CTNNA2: variants seen among roughly 807,000 people sequenced by gnomAD.
CTNNA2 encodes catenin alpha-2.
CTNNA2 carries 42 observed loss-of-function variants against 101.0 expected under a neutral mutation model. That is an observed-to-expected ratio of 0.42 (90% CI 0.32 to 0.54). The LOEUF is 0.54. Ranked by LOEUF, CTNNA2 falls within the 20% of genes least tolerant of loss-of-function variation. CTNNA2 has a pLI of 0.14. For synonymous variants in CTNNA2, 450 were observed against 456.4 expected, an observed-to-expected ratio of 0.99 and a Z score of 0.18; for missense variants, 871 against 1,223.1, an observed-to-expected ratio of 0.71 and a Z score of 4.29.
intron 1 of CTNNA2, among the ~76,000 whole-genome samples, chr2:79,521,891 C>T (rs1392393969): frequency 6.6e-6 from 1 of 151,992 alleles, no homozygotes; most frequent in Non-Finnish European, 1.5e-5. Flanking sequence ...CCCAAGGGAA[C>T]AATTTAAAGT....
chr2:79,768,346 G>A (rs1192242811), intron 3 of CTNNA2, among the ~76,000 whole-genome samples: 5 of 151,058 alleles, frequency 3.3e-5, no homozygotes, highest in Non-Finnish European at 7.4e-5. Flanking sequence ...ATTGAAGGAG[G>A]CACTGTCTTT....
chr2:79,539,241 G>T (rs1343376381), intron 1 of CTNNA2, among the ~76,000 whole-genome samples: 2 of 152,162 alleles, frequency 1.3e-5, no homozygotes, highest in Non-Finnish European at 2.9e-5. Context: ...GCAAATGGCA[G>T]GAAGTAGCCT....
chr2:80,468,382 T>C (rs1323755914), intron 9 of CTNNA2, among the ~76,000 whole-genome samples: 1 of 152,104 alleles, frequency 6.6e-6, no homozygotes, highest in Non-Finnish European at 1.5e-5. Context: ...GCTACAGAGA[T>C]GGATGTTATT....
At chr2:80,372,495 G>A (rs1197480672) in intron 7 of CTNNA2, among the ~76,000 whole-genome samples, 1 of 151,488 alleles carries the variant, frequency 6.6e-6, no homozygotes. Flanking sequence ...ATTTGATCCT[G>A]GGTTTATCTC....
At chr2:80,099,679 C>T (rs552726172) in intron 7 of CTNNA2, among the ~76,000 whole-genome samples, 1 of 151,064 alleles carries the variant, frequency 6.6e-6, no homozygotes, top group South Asian at 2.1e-4. Context: ...TCAGCAGGTT[C>T]ATCTAAACTT....
At chr2:79,456,763 A>G (rs922639356) in intron 4 of CTNNA2, among the ~76,000 whole-genome samples, 1 of 152,356 alleles carries the variant, frequency 6.6e-6, no homozygotes, top group East Asian at 1.9e-4. Flanking sequence ...TAAACCTCCA[A>G]TCTCAGCACC....
At chr2:80,123,845 T>A (rs917089907) in intron 7 of CTNNA2, among the ~76,000 whole-genome samples, 2 of 152,142 alleles carry the variant, frequency 1.3e-5, no homozygotes, top group Admixed American at 1.3e-4. Context: ...GGGCTTGTGA[T>A]GGTGGCTACC....
Position 79,228,352 on chromosome 2 carries a change from T to A in CTNNA2, c.-406+30276T>A, listed in dbSNP as rs141300261. Among the ~76,000 whole-genome samples, 76 of 152,336 alleles carry A rather than the reference T, an allele frequency of 5.0e-4. No individual in the cohort carries two copies. In the East Asian group the frequency reaches 0.011, roughly 21 times the overall value. ...AAACTGCTTTCCACAATGGCTCAAC[T>A]AGTTTGCATTCCCACCAACAGTGTA... On this transcript the variant is annotated intron_variant, in intron 2 of 21. Transcript: ENST00000466387.
At chr2:79,444,883 A>C (rs1678815914) in intron 4 of CTNNA2, among the ~76,000 whole-genome samples, 3 of 152,150 alleles carry the variant, frequency 2.0e-5, no homozygotes, top group Admixed American at 2.0e-4. Context: ...TGTTAGAAAA[A>C]TGGAAGAAAT....
At chr2:80,320,055 ATTAT>A (rs1678527856) in intron 7 of CTNNA2, among the ~76,000 whole-genome samples, 1 of 152,180 alleles carries the variant, frequency 6.6e-6, no homozygotes, top group South Asian at 2.1e-4. Context: ...CATTCTGGAC[ATTAT>A]TTTTCATCCA....
intron 7 of CTNNA2, among the ~76,000 whole-genome samples, chr2:80,032,185 T>G (rs1695334946): frequency 6.6e-6 from 1 of 152,112 alleles, no homozygotes. Context: ...GAGGAGCGTT[T>G]TGAAAGGATC....
Position 79,857,899 on chromosome 2 carries a change from C to T in CTNNA2, c.299-114C>T, listed in dbSNP as rs143776865. The stretch of plus-strand genomic sequence containing the variant: ...TGCAATAGAGGTGGCAGAAATACCA[C>T]CTGGTCATCAGAGTTTTGCAATAAA... On this transcript the variant is annotated intron_variant, in intron 3 of 18. Coordinates refer to ENST00000402739, the MANE Select transcript of CTNNA2 (RefSeq NM_001282597.3). The T allele has an allele frequency of 4.9e-4, 549 of 1,131,740 alleles. 3 individuals are homozygous for T. In the African/African-American group the frequency reaches 7.8e-3, roughly 16 times the overall value. 70.1% of individuals were successfully genotyped at this position (1,131,740 alleles called of 1,614,324 possible).
In CTNNA2 at chr2:79,869,824, G is replaced by C. The variant is rs199898826; in HGVS notation, c.474G>C (p.Glu158Asp). 1.2e-6 allele frequency: 2 copies of C among 1,613,660 alleles called. No homozygotes were observed. Among genetic ancestry groups the C allele is most frequent in the South Asian group, 1.1e-5 (1 of 90,972 alleles). Reference sequence around the variant, plus strand: ...GTTTTTCACCACTGCAGGTGGAAGAGGCCCTGGAAGCTGTCAAAAATGCTA... The same window carrying C: ...GTTTTTCACCACTGCAGGTGGAAGACGCCCTGGAAGCTGTCAAAAATGCTA... The part of the protein sequence containing the change: ...RLLSHLKIVE[E>D]ALEAVKNATN... Residue 158 changes from glutamate to aspartate, a missense_variant, in exon 5 of 19, where the codon GAG becomes GAC. By Grantham distance (45) the Glu-to-Asp change is conservative. Transcript: ENST00000402739.
intron 2 of CTNNA2, among the ~76,000 whole-genome samples, chr2:79,253,979 G>A (rs912756302): frequency 6.6e-6 from 1 of 152,122 alleles, no homozygotes; most frequent in African/African-American, 2.4e-5. Context: ...TTGGAAGACA[G>A]CTCATAGATT....
intron 3 of CTNNA2, among the ~76,000 whole-genome samples, chr2:79,336,734 A>G (rs947107996): frequency 2.0e-4 from 31 of 152,152 alleles, no homozygotes; most frequent in Non-Finnish European, 2.2e-4. Flanking sequence ...GGACACTGGC[A>G]TTGAACTCAC....
At chr2:80,236,748 C>T (rs1709571155) in intron 7 of CTNNA2, among the ~76,000 whole-genome samples, 1 of 152,164 alleles carries the variant, frequency 6.6e-6, no homozygotes, top group Admixed American at 6.5e-5. Flanking sequence ...TGTGAAATCA[C>T]TAGGATAAGT....
intron 7 of CTNNA2, among the ~76,000 whole-genome samples, chr2:80,301,152 A>G (rs539195319): frequency 1.3e-5 from 2 of 152,264 alleles, no homozygotes; most frequent in South Asian, 4.2e-4. Flanking sequence ...ATTACCCTGC[A>G]GGCATTCATC....
At chr2:79,466,814 G>T (rs1670942176) in intron 4 of CTNNA2, among the ~76,000 whole-genome samples, 1 of 152,234 alleles carries the variant, frequency 6.6e-6, no homozygotes. Flanking sequence ...GCAGCTGAGG[G>T]TCCTGACTAT....
At chr2:79,755,012 G>A (rs1672300757) in intron 3 of CTNNA2, among the ~76,000 whole-genome samples, 1 of 151,998 alleles carries the variant, frequency 6.6e-6, no homozygotes, top group Non-Finnish European at 1.5e-5. Context: ...GCTGAGTGTA[G>A]ATCCATTACT....
Sources: gnomAD v4.1 joint callset for allele counts (sites outside exome capture counted in the v4.1 genomes callset) on GRCh38, gnomAD v4.1.1 for gene constraint, MANE v1.5 for transcripts, NCBI Gene and HGNC (gene_info 2026-07-23, HGNC 2026-07-21) for gene names.